The following SLMAP variants were observed in gnomAD, a reference collection of about 807,000 sequenced individuals.
The protein encoded by SLMAP is sarcolemma associated protein.
Under a neutral mutation model 128.8 loss-of-function variants are expected in SLMAP, and 44 were observed. The observed-to-expected ratio is 0.34, with a 90% CI of 0.27 to 0.44. The LOEUF is 0.44. SLMAP is among the 20% of genes least tolerant of loss of function. The pLI is 1.00. For missense variants in SLMAP, 787 were observed against 985.3 expected (o/e 0.80, Z 2.69); for synonymous variants, 327 against 348.8 (o/e 0.94, Z 0.70).
intron 2 of SLMAP, among the ~76,000 whole-genome samples, chr3:57,823,165 A>C (rs576297390): frequency 6.6e-6 from 1 of 152,272 alleles, no homozygotes; most frequent in African/African-American, 2.4e-5. Flanking sequence ...CGGACATTGG[A>C]CTTATCAGAC....
chr3:57,769,215 T>G (rs1034292707), intron 2 of SLMAP, among the ~76,000 whole-genome samples: 1 of 152,060 alleles, frequency 6.6e-6, no homozygotes, highest in Non-Finnish European at 1.5e-5. Flanking sequence ...TTTTTTGAGA[T>G]GGAGTCTTGC....
chr3:57,774,603 C>A (rs959804390), intron 2 of SLMAP, among the ~76,000 whole-genome samples: 2 of 152,010 alleles, frequency 1.3e-5, no homozygotes, highest in African/African-American at 4.8e-5. Context: ...TGGCTCACTG[C>A]AACCTCTGCT....
chr3:57,799,077 C>G (rs2087510934), intron 2 of SLMAP, among the ~76,000 whole-genome samples: 1 of 152,132 alleles, frequency 6.6e-6, no homozygotes, highest in South Asian at 2.1e-4. Flanking sequence ...ATGCAGGAGT[C>G]CAGTCATCAT....
At chr3:57,781,738 T>TTTC (rs1204268122) in intron 2 of SLMAP, among the ~76,000 whole-genome samples, 1 of 147,470 alleles carries the variant, frequency 6.8e-6, no homozygotes, top group Non-Finnish European at 1.5e-5. Flanking sequence ...GATTTTTTTT[T>TTTC]TTTTTTTTTT....
intron 15 of SLMAP, 177 bp downstream of exon 15, chr3:57,890,277 G>C: frequency 1.9e-6 from 1 of 514,992 alleles, no homozygotes; most frequent in Non-Finnish European, 3.4e-6. Context: ...TTTAAGAAGG[G>C]TATCGTAACT....
chr3:57,804,007 G>T (rs568471702), intron 2 of SLMAP, among the ~76,000 whole-genome samples: 1 of 152,248 alleles, frequency 6.6e-6, no homozygotes, highest in Non-Finnish European at 1.5e-5. Flanking sequence ...TTCTGTATGG[G>T]TGGGACCAAA....
At chr3:57,861,895 A>G in intron 9 of SLMAP, 54 bp from the exon 10 acceptor site, 1 of 1,477,682 alleles carries the variant, frequency 6.8e-7, no homozygotes, top group South Asian at 1.2e-5. Context: ...AAGGAATTCT[A>G]AATAACAAAT....
intron 2 of SLMAP, among the ~76,000 whole-genome samples, chr3:57,769,652 C>T (rs2080433165): frequency 6.6e-6 from 1 of 152,120 alleles, no homozygotes; most frequent in Non-Finnish European, 1.5e-5. Flanking sequence ...GAAGTAATAG[C>T]TTAGTGAAAG....
intron 2 of SLMAP, among the ~76,000 whole-genome samples, chr3:57,829,554 G>A (rs1046489587): frequency 1.3e-5 from 2 of 152,126 alleles, no homozygotes; most frequent in Non-Finnish European, 2.9e-5. Context: ...CTACTTGAAA[G>A]TATTGTCTGT....
In SLMAP at chr3:57,909,042, A is replaced by G. The variant is rs550437163; in HGVS notation, c.1625-34A>G. 1.1e-5 allele frequency: 16 copies of G among 1,448,700 alleles called. No individual in the cohort carries two copies. In the East Asian group the frequency reaches 3.2e-4, roughly 29 times the overall value. 89.7% of individuals were successfully genotyped at this position (1,448,700 alleles called of 1,614,324 possible). On this transcript the variant is annotated intron_variant, in intron 18 of 24. Transcript: ENST00000671191. Reference sequence around the variant, plus strand: ...CTCTGAGTACTTTCATTAATTCACAAAACTATTAATAGATACTGTGTTTTT... The same window carrying G: ...CTCTGAGTACTTTCATTAATTCACAGAACTATTAATAGATACTGTGTTTTT...
At chr3:57,774,832 A>G (rs1171112913) in intron 2 of SLMAP, among the ~76,000 whole-genome samples, 2 of 151,540 alleles carry the variant, frequency 1.3e-5, no homozygotes, top group East Asian at 2.0e-4. Flanking sequence ...CCAACAGACA[A>G]TTATTTTTAA....
At chr3:57,798,700 G>A (rs2087400529) in intron 2 of SLMAP, among the ~76,000 whole-genome samples, 2 of 152,182 alleles carry the variant, frequency 1.3e-5, no homozygotes, top group African/African-American at 4.8e-5. Flanking sequence ...AAAGAGAAAT[G>A]TAGCCAAATG....
rs2097052008 is a variant in SLMAP at position 57,929,819 on chromosome 3, G to A, written c.*2530G>A. ...GTCTCCATTTTCTCATTTATAACATGCGGAGAATAATACTTATATTTGTGG... is the reference window on the plus strand; with the variant it reads ...GTCTCCATTTTCTCATTTATAACATACGGAGAATAATACTTATATTTGTGG... On this transcript the variant is annotated 3_prime_UTR_variant, in exon 25 of 25. Coordinates refer to ENST00000671191, the MANE Select transcript of SLMAP (RefSeq NM_001377540.1). 6.6e-6 allele frequency among the ~76,000 whole-genome samples: 1 copy of A among 152,146 alleles called. No homozygotes were observed. The highest frequency in any genetic ancestry group is 1.5e-5 in the Non-Finnish European group (1 of 68,024).
intron 21 of SLMAP, among the ~76,000 whole-genome samples, chr3:57,914,708 G>A (rs1417245435): frequency 6.6e-6 from 1 of 151,116 alleles, no homozygotes; most frequent in African/African-American, 2.4e-5. Context: ...TCAGCCTCCT[G>A]AGTAACTTGG....
At chr3:57,835,654 G>T (rs1280098777) in intron 3 of SLMAP, among the ~76,000 whole-genome samples, 1 of 151,956 alleles carries the variant, frequency 6.6e-6, no homozygotes, top group African/African-American at 2.4e-5. Flanking sequence ...AAATTTAGAA[G>T]TTACCCCTAA....
intron 2 of SLMAP, among the ~76,000 whole-genome samples, chr3:57,822,124 A>G (rs902373993): frequency 1.3e-5 from 2 of 152,130 alleles, no homozygotes; most frequent in African/African-American, 2.4e-5. Flanking sequence ...CAGTCTCTCC[A>G]AGATAGGTGC....
chr3:57,923,470 G>T (rs1240241314), intron 23 of SLMAP, among the ~76,000 whole-genome samples: 3 of 152,218 alleles, frequency 2.0e-5, no homozygotes, highest in Non-Finnish European at 4.4e-5. Context: ...ATGTCTCTTT[G>T]TCATTCTGTA....
intron 14 of SLMAP, among the ~76,000 whole-genome samples, chr3:57,875,352 A>G (rs1444338391): frequency 7.2e-5 from 11 of 152,052 alleles, no homozygotes; most frequent in Non-Finnish European, 1.3e-4. Flanking sequence ...GTGAGACCCC[A>G]TCTCTACAAA....
intron 2 of SLMAP, among the ~76,000 whole-genome samples, chr3:57,770,832 G>A (rs537074146): frequency 6.6e-6 from 1 of 152,174 alleles, no homozygotes; most frequent in African/African-American, 2.4e-5. Flanking sequence ...TGGTGTGTTT[G>A]TATAGTAATA....
Sources: allele counts gnomAD v4.1 joint callset (sites outside exome capture counted in the v4.1 genomes callset), GRCh38; gene constraint gnomAD v4.1.1; transcripts MANE v1.5; gene names NCBI Gene and HGNC (gene_info 2026-07-23, HGNC 2026-07-21).